Variants in PPFIA2 observed in about 807,000 individuals in gnomAD.
PPFIA2 encodes PPFI scaffold protein A2.
PPFIA2 carries 46 observed loss-of-function variants against 175.5 expected under a neutral mutation model. The ratio of observed to expected loss-of-function variants is 0.26; its 90% CI spans 0.21 to 0.34. The LOEUF (loss-of-function observed/expected upper bound fraction) is 0.34, where lower values mean the gene tolerates loss of function less well. Among genes scored for constraint, PPFIA2 ranks in the 10% least tolerant of loss-of-function variants. PPFIA2 has a pLI of 1.00. For missense variants in PPFIA2, 1,179 were observed against 1,506.1 expected (o/e 0.78, Z 3.60); for synonymous variants, 568 against 511.4 (o/e 1.11, Z -1.49).
At chr12:81,297,592 CTATT>C (rs1193788544) in intron 23 of PPFIA2, among the ~76,000 whole-genome samples, 3 of 152,184 alleles carry the variant, frequency 2.0e-5, no homozygotes, top group Admixed American at 6.5e-5. Context: ...TAGTACTTGA[CTATT>C]TAGTTTATAA....
intron 3 of PPFIA2, among the ~76,000 whole-genome samples, chr12:81,741,373 A>G (rs756073141): frequency 2.0e-5 from 3 of 152,244 alleles, no homozygotes; most frequent in Non-Finnish European, 2.9e-5. Context: ...TTGCTAAACA[A>G]GCATAGAGTA....
chr12:81,268,190 G>A (rs2037956879), intron 28 of PPFIA2, 103 bp from the exon 29 acceptor site: 2 of 912,560 alleles, frequency 2.2e-6, no homozygotes, highest in Non-Finnish European at 3.1e-6. Context: ...CCAGGCTGGA[G>A]TGCAGTGGCG....
intron 24 of PPFIA2, among the ~76,000 whole-genome samples, chr12:81,290,936 T>C (rs2044781936): frequency 6.6e-6 from 1 of 151,822 alleles, no homozygotes. Context: ...TTATCACATT[T>C]CTACAAAGGA....
chr12:81,485,039 A>G (rs1288414257), intron 4 of PPFIA2, among the ~76,000 whole-genome samples: 10 of 151,932 alleles, frequency 6.6e-5, no homozygotes, highest in Non-Finnish European at 1.0e-4. Context: ...ATTATAGGCT[A>G]AAAACTACTT....
At chr12:81,740,410 T>C (rs1462030130) in intron 3 of PPFIA2, among the ~76,000 whole-genome samples, 2 of 152,288 alleles carry the variant, frequency 1.3e-5, no homozygotes, top group African/African-American at 2.4e-5. Flanking sequence ...AATTCAGAGA[T>C]ACTATTTTGT....
rs756281614 is a variant in PPFIA2 at position 81,375,731 on chromosome 12, A to G, written c.1131+65T>C. ...TGTCAAGAAGTACCCTATTTTATTT[A>G]CTCCGTTTTGTGAGAATGATGAGAA... On this transcript the variant is annotated intron_variant, in intron 10 of 32. Transcript: ENST00000549396. The G allele has an allele frequency of 1.4e-5, 20 of 1,476,094 alleles. No individual in the cohort carries two copies. In the African/African-American group the frequency reaches 2.8e-4, roughly 21 times the overall value. 91.4% of individuals were successfully genotyped at this position (1,476,094 alleles called of 1,614,324 possible). A position where few individuals can be genotyped will look rare whatever the true frequency, so the allele number is the denominator to read the frequency against.
chr12:81,335,322 C>G (rs918105108), intron 21 of PPFIA2, among the ~76,000 whole-genome samples: 3 of 152,126 alleles, frequency 2.0e-5, no homozygotes, highest in African/African-American at 7.2e-5. Context: ...CAAGTCTTAA[C>G]AGGATGCTAT....
intron 3 of PPFIA2, among the ~76,000 whole-genome samples, chr12:81,688,808 T>C (rs985350908): frequency 4.1e-5 from 6 of 146,960 alleles, no homozygotes; most frequent in Non-Finnish European, 9.0e-5. Flanking sequence ...ATTAAATATA[T>C]ATATATATAT....
chr12:81,557,788 T>C (rs1376556010), intron 4 of PPFIA2, among the ~76,000 whole-genome samples: 1 of 152,092 alleles, frequency 6.6e-6, no homozygotes, highest in Non-Finnish European at 1.5e-5. Context: ...TCAAATTAAA[T>C]GGCATTTAGC....
chr12:81,355,288 CTG>C (rs1278245185), intron 16 of PPFIA2, among the ~76,000 whole-genome samples: 7 of 152,080 alleles, frequency 4.6e-5, no homozygotes, highest in African/African-American at 1.7e-4. Context: ...AGTCTCAAAT[CTG>C]TGTTTAAAAT....
At chr12:81,672,220 T>C (rs922763897) in intron 4 of PPFIA2, among the ~76,000 whole-genome samples, 1 of 152,014 alleles carries the variant, frequency 6.6e-6, no homozygotes, top group Admixed American at 6.6e-5. Context: ...AGGACACGAT[T>C]CAGATTAATA....
intron 4 of PPFIA2, among the ~76,000 whole-genome samples, chr12:81,513,567 A>G (rs149881617): frequency 7.2e-5 from 11 of 152,124 alleles, no homozygotes; most frequent in African/African-American, 2.6e-4. Flanking sequence ...GAAGAGCTAT[A>G]AAGATAGTAC....
chr12:81,636,708 A>G (rs1294232911), intron 4 of PPFIA2, among the ~76,000 whole-genome samples: 1 of 152,132 alleles, frequency 6.6e-6, no homozygotes, highest in South Asian at 2.1e-4. Flanking sequence ...GCTGGAGTAC[A>G]GTGGCGCAAG....
intron 4 of PPFIA2, among the ~76,000 whole-genome samples, chr12:81,628,035 T>C (rs2062928722): frequency 6.6e-6 from 1 of 152,200 alleles, no homozygotes; most frequent in Non-Finnish European, 1.5e-5. Context: ...TATGATTATT[T>C]ATTAATTTTT....
chr12:81,370,513 G>A (rs527948985), intron 11 of PPFIA2, among the ~76,000 whole-genome samples: 1 of 151,980 alleles, frequency 6.6e-6, no homozygotes, highest in South Asian at 2.1e-4. Flanking sequence ...CAACAATGCT[G>A]TGAGAACAAG....
At chr12:81,339,421 C>T in intron 20 of PPFIA2, 87 bp from the exon 21 acceptor site, 1 of 1,046,604 alleles carries the variant, frequency 9.6e-7, no homozygotes, top group Non-Finnish European at 1.3e-6. Flanking sequence ...AAAGGAGGAA[C>T]AAGCAGACTT....
At chr12:81,545,297 C>A (rs377560694) in intron 4 of PPFIA2, 3 of 152,050 alleles carry the variant, frequency 2.0e-5, no homozygotes, top group Admixed American at 6.6e-5. Flanking sequence ...AATTTTGCAA[C>A]CAATATTTTC....
intron 5 of PPFIA2, among the ~76,000 whole-genome samples, chr12:81,452,631 T>C (rs978479917): frequency 6.6e-6 from 1 of 152,236 alleles, no homozygotes; most frequent in Non-Finnish European, 1.5e-5. Flanking sequence ...AATCTTTATC[T>C]GTTTTCAGCT....
intron 4 of PPFIA2, among the ~76,000 whole-genome samples, chr12:81,625,005 A>T (rs1391206857): frequency 6.6e-6 from 1 of 151,862 alleles, no homozygotes; most frequent in Non-Finnish European, 1.5e-5. Flanking sequence ...ATCAATACAT[A>T]CATTGCTAAA....
Sources: allele counts gnomAD v4.1 joint callset (sites outside exome capture counted in the v4.1 genomes callset), GRCh38; gene constraint gnomAD v4.1.1; transcripts MANE v1.5; gene names NCBI Gene and HGNC (gene_info 2026-07-23, HGNC 2026-07-21).